CDHR1: variants seen among roughly 807,000 people sequenced by gnomAD.
The protein encoded by CDHR1 is cadherin related family member 1.
In CDHR1, 61 loss-of-function variants were observed where a neutral mutation model predicts 72.1. The observed-to-expected ratio is 0.85, with a 90% CI of 0.69 to 1.05. CDHR1 has a LOEUF of 1.05. Among genes scored for constraint, CDHR1 ranks in the 50% least tolerant of loss-of-function variants. The probability of loss-of-function intolerance (pLI) is 0.00; values close to 1 mark genes in which losing one functional copy is unlikely to be tolerated. For synonymous variants in CDHR1, 470 were observed against 448.1 expected (o/e 1.05, Z -0.62); for missense variants, 1,186 against 1,115.7 (o/e 1.06, Z -0.90).
In CDHR1 at chr10:84,195,615, G is replaced by C. The variant is rs369474184; in HGVS notation, c.151+26G>C. 22 of 1,587,020 alleles carry C rather than the reference G, an allele frequency of 1.4e-5. No individual in the cohort carries two copies. In the Middle Eastern group the frequency reaches 1.2e-3, roughly 83 times the overall value. The stretch of plus-strand genomic sequence containing the variant: ...GTGAGTAGCCCTGGCACCTGCTCCC[G>C]ATAGGTCTCCCTGAGGGGTGCAGGC... On this transcript the variant is annotated intron_variant, in intron 2 of 16. Coordinates refer to ENST00000623527, the MANE Select transcript of CDHR1 (RefSeq NM_033100.4).
chr10:84,203,127 G>A lies in CDHR1; in HGVS notation c.783+4G>A. 6.2e-7 allele frequency: 1 copy of A among 1,614,146 alleles called. No individual in the cohort carries two copies. On this transcript the variant is annotated splice_donor_region_variant and intron_variant, in intron 8 of 16. Coordinates refer to ENST00000623527, the MANE Select transcript of CDHR1 (RefSeq NM_033100.4). Reference sequence around the variant, plus strand: ...TGTGTACGAGGACACCCTTCCGGTGGGTGGCTGTCCCCCTCAGCCAGCGAT... The same window carrying A: ...TGTGTACGAGGACACCCTTCCGGTGAGTGGCTGTCCCCCTCAGCCAGCGAT...
Position 84,208,254 on chromosome 10 carries a change from C to T in CDHR1, c.1044C>T (p.Asn348=), listed in dbSNP as rs549722556. Reference sequence around the variant, plus strand: ...CCATCAGGATTGTGGACCTCAACAACCACCCGCCAACATTCTATGGAGAGA... The same window carrying T: ...CCATCAGGATTGTGGACCTCAACAATCACCCGCCAACATTCTATGGAGAGA... ...PVTIRIVDLN[N]HPPTFYGESG... Residue 348 remains asparagine, a synonymous_variant, in exon 11 of 17, where the codon AAC becomes AAT. Coordinates refer to ENST00000623527, the MANE Select transcript of CDHR1 (RefSeq NM_033100.4). 2.5e-6 allele frequency: 4 copies of T among 1,614,152 alleles called. No individual in the cohort carries two copies. Among genetic ancestry groups the T allele is most frequent in the South Asian group, 1.1e-5 (1 of 91,074 alleles).
rs1161968809 is a variant in CDHR1 at position 84,217,567 on chromosome 10, G to GA, written c.*2950dup. On this transcript the variant is annotated 3_prime_UTR_variant, in exon 17 of 17. Coordinates refer to ENST00000623527, the MANE Select transcript of CDHR1 (RefSeq NM_033100.4). ...TGCAAAGTATGGTTGCAGAGAGGAT[G>GA]AAAAGATCTAATATATGTAAAGTGC... 3 of 984,412 alleles carry GA rather than the reference G, an allele frequency of 3.0e-6. No homozygotes were observed. Among genetic ancestry groups the GA allele is most frequent in the Non-Finnish European group, 3.6e-6 (3 of 829,134 alleles). The allele number at this position is 984,412 out of a possible 1,614,324, so 61.0% of individuals were successfully genotyped here.
chr10:84,214,363 C>G lies in CDHR1; in HGVS notation c.2322C>G (p.Pro774=). The G allele has an allele frequency of 6.2e-7, 1 of 1,614,200 alleles. No individual in the cohort carries two copies. Among genetic ancestry groups the G allele is most frequent in the Non-Finnish European group, 8.5e-7 (1 of 1,180,048 alleles). ...AGTTCATGCTCAAAGAGAAACCTCC[C>G]AATGAGAACTGTAACAACAACAGCC... ...ATKFMLKEKP[P]NENCNNNSPE... is the part of the protein sequence containing the mutation. Residue 774 remains proline (P), a synonymous_variant, in exon 17 of 17, where the codon CCC becomes CCG. Transcript: ENST00000623527.
rs966105786 is a variant in CDHR1, at chr10:84,209,654, A to G, written c.1320+773A>G. 4.7e-5 allele frequency among the ~76,000 whole-genome samples: 7 copies of G among 150,210 alleles called. No individual in the cohort carries two copies. The South Asian group carries it at 6.3e-4, about 14-fold the overall frequency. On this transcript the variant is annotated intron_variant, in intron 12 of 16. Transcript: ENST00000623527. The stretch of plus-strand genomic sequence containing the variant: ...AGAGAAAAGACAAAAAAAAAAAAAA[A>G]GAAACTCTTAGAAACTCAGCAAAAT...
rs753258199 is a variant in CDHR1 at position 84,208,320 on chromosome 10, C to T, written c.1110C>T (p.His370=). Residue 370 remains histidine, a synonymous_variant, in exon 11 of 17, where the codon CAC becomes CAT. Coordinates refer to ENST00000623527, the MANE Select transcript of CDHR1 (RefSeq NM_033100.4). ...QNRFELSMNE[H]PPQGEILRGL... is the part of the protein sequence containing the mutation. ...GGTTTGAGCTGTCCATGAATGAGCA[C>T]CCACCCCAGGGAGAGATCCTGCGGG... 3.7e-6 allele frequency: 6 copies of T among 1,614,134 alleles called. No individual in the cohort carries two copies. The highest frequency in any genetic ancestry group is 5.1e-6 in the Non-Finnish European group (6 of 1,180,044).
chr10:84,205,234 C>T (rs1287396488), intron 9 of CDHR1, among the ~76,000 whole-genome samples: 3 of 152,120 alleles, frequency 2.0e-5, no homozygotes, highest in Admixed American at 2.0e-4. Context: ...CTATATGCCC[C>T]GGCCTTTCTC....
At position 84,216,532 on chromosome 10, in the gene CDHR1, G is replaced by A. The variant is rs1213919532; in HGVS notation, c.*1911G>A. On this transcript the variant is annotated 3_prime_UTR_variant, in exon 17 of 17. Coordinates refer to ENST00000623527, the MANE Select transcript of CDHR1 (RefSeq NM_033100.4). ...AAGTCTGTTACCCAAAGGCCATGCT[G>A]ATCCCCTGCTCCCTGCTTTCATTTA... 1 of 985,532 alleles carries A rather than the reference G, an allele frequency of 1.0e-6. No homozygotes were observed. The highest frequency in any genetic ancestry group is 1.2e-6 in the Non-Finnish European group (1 of 829,970). 61.0% of individuals were successfully genotyped at this position (985,532 alleles called of 1,614,324 possible).
At position 84,212,292 on chromosome 10, in the gene CDHR1, A is replaced by C. The variant is rs1254345243; in HGVS notation, c.1667A>C (p.Lys556Thr). The change falls in exon 15 of 17, where the codon AAG becomes ACG. Residue 556 changes from lysine to threonine, a missense_variant. Lys to Thr is a moderately conservative substitution (Grantham distance 78). Coordinates refer to ENST00000623527, the MANE Select transcript of CDHR1 (RefSeq NM_033100.4). ...GTGAAGGCAGAGGACATGGAAGGCA[A>C]GTACAGCGTAGCTGAGGTGTTTATC... ...FYVKAEDMEG[K>T]YSVAEVFITL... 1 of 1,614,246 alleles carries C rather than the reference A, an allele frequency of 6.2e-7. No homozygotes were observed. The highest frequency in any genetic ancestry group is 8.5e-7 in the Non-Finnish European group (1 of 1,180,042).
chr10:84,207,819 T>C (rs1010014875), intron 10 of CDHR1, among the ~76,000 whole-genome samples: 7 of 152,136 alleles, frequency 4.6e-5, no homozygotes, highest in African/African-American at 1.7e-4. Flanking sequence ...AGGGTTGGTT[T>C]CCATGCCCAC....
At chr10:84,203,723 G>A (rs925965010) in intron 8 of CDHR1, among the ~76,000 whole-genome samples, 1 of 152,182 alleles carries the variant, frequency 6.6e-6, no homozygotes, top group African/African-American at 2.4e-5. Context: ...GCCTATTATT[G>A]ACTTTACAAA....
chr10:84,216,847 C>T lies in CDHR1; in HGVS notation c.*2226C>T, dbSNP rs74584525. ...ACTCTCCCACCCTACCAGTGCAGCC[C>T]GGCAAGGGCAGGAATTGGGAGGCCT... On this transcript the variant is annotated 3_prime_UTR_variant, in exon 17 of 17. Coordinates refer to ENST00000623527, the MANE Select transcript of CDHR1 (RefSeq NM_033100.4). 187 of 985,490 alleles carry T rather than the reference C, an allele frequency of 1.9e-4. 1 individual carries two copies. The East Asian group carries it at 0.017, about 88-fold the overall frequency. 61.0% of individuals were successfully genotyped at this position (985,490 alleles called of 1,614,324 possible). A position where few individuals can be genotyped will look rare whatever the true frequency, so the allele number is the denominator to read the frequency against.
intron 1 of CDHR1, 121 bp from the exon 2 acceptor site, chr10:84,195,373 G>T: frequency 4.4e-6 from 4 of 917,506 alleles, no homozygotes; most frequent in Non-Finnish European, 5.2e-6. Flanking sequence ...GGGTTGGGGA[G>T]GCGGAGCGCC....
Position 84,218,082 on chromosome 10 carries a change from C to A in CDHR1, c.*3461C>A, listed in dbSNP as rs1279395608. 20 of 985,364 alleles carry A rather than the reference C, an allele frequency of 2.0e-5. No homozygotes were observed. Among genetic ancestry groups the A allele is most frequent in the Non-Finnish European group, 2.4e-5 (20 of 829,954 alleles). The allele number at this position is 985,364 out of a possible 1,614,324, so 61.0% of individuals were successfully genotyped here. ...TGCCAGGGGTGTTGGCATCTGTTGA[C>A]AGGCAGTGGCACATCCTGACAGTCT... On this transcript the variant is annotated 3_prime_UTR_variant, in exon 17 of 17. Coordinates refer to ENST00000623527, the MANE Select transcript of CDHR1 (RefSeq NM_033100.4).
Position 84,194,606 on chromosome 10 carries a change from C to T in CDHR1, c.-155C>T. The stretch of plus-strand genomic sequence containing the variant: ...GTGTCATCCTCTTAGCGCCCTCACG[C>T]CACCCGCCGCTCCCGCCCCGTGCCC... On this transcript the variant is annotated 5_prime_UTR_variant, in exon 1 of 17. Coordinates refer to ENST00000623527, the MANE Select transcript of CDHR1 (RefSeq NM_033100.4). 1.9e-6 allele frequency: 1 copy of T among 524,700 alleles called. No individual in the cohort carries two copies. The highest frequency in any genetic ancestry group is 3.2e-6 in the Non-Finnish European group (1 of 316,108). The allele number at this position is 524,700 out of a possible 1,614,324, so 32.5% of individuals were successfully genotyped here.
At chr10:84,218,773 C>CAT (rs1325797719), downstream of CDHR1, 53 of 1,002,610 alleles carry the variant, frequency 5.3e-5, no homozygotes, top group Non-Finnish European at 6.0e-5. Context: ...CATGTTATTA[C>CAT]ATATATATAT....
In CDHR1 at chr10:84,215,650, G is replaced by A; in HGVS notation, c.*1029G>A. 2 of 980,032 alleles carry A rather than the reference G, an allele frequency of 2.0e-6. No homozygotes were observed. Among genetic ancestry groups the A allele is most frequent in the Non-Finnish European group, 1.2e-6 (1 of 825,030 alleles). 60.7% of individuals were successfully genotyped at this position (980,032 alleles called of 1,614,324 possible). On this transcript the variant is annotated 3_prime_UTR_variant, in exon 17 of 17. Transcript: ENST00000623527. The stretch of plus-strand genomic sequence containing the variant: ...GGTGAGGATTGAAGAAAATAGTGGT[G>A]ATGAGGGCTTTAACCAAGTGCAAAG...
chr10:84,215,160 A>AAGCAAATGTAG lies in CDHR1; in HGVS notation c.*539_*540insAGCAAATGTAG. 9.9e-7 allele frequency: 1 copy of AAGCAAATGTAG among 1,013,200 alleles called. No individual in the cohort carries two copies. Among genetic ancestry groups the AAGCAAATGTAG allele is most frequent in the Non-Finnish European group, 1.2e-6 (1 of 846,396 alleles). The allele number at this position is 1,013,200 out of a possible 1,614,324, so 62.8% of individuals were successfully genotyped here. On this transcript the variant is annotated 3_prime_UTR_variant, in exon 17 of 17. Coordinates refer to ENST00000623527, the MANE Select transcript of CDHR1 (RefSeq NM_033100.4). ...GGAAAGCAAATGTAGGTAAGGGGAG[A>AAGCAAATGTAG]GCAAGGATGCACAGAAAACACACTG...
chr10:84,196,540 G>A lies in CDHR1; in HGVS notation c.187G>A (p.Glu63Lys), dbSNP rs1842032739. 1 of 1,614,224 alleles carries A rather than the reference G, an allele frequency of 6.2e-7. No homozygotes were observed. Among genetic ancestry groups the A allele is most frequent in the East Asian group, 2.2e-5 (1 of 44,890 alleles). The change falls in exon 3 of 17, where the codon GAG becomes AAG. Residue 63 changes from glutamate (E) to lysine (K), a missense_variant. Glu to Lys is a moderately conservative substitution (Grantham distance 56). Coordinates refer to ENST00000623527, the MANE Select transcript of CDHR1 (RefSeq NM_033100.4). ...HVYTLNGTDP[E>K]GDPISYHISF... ...ATACACCCTGAATGGGACAGACCCT[G>A]AGGGAGACCCCATCTCCTACCACAT...
Sources: gnomAD v4.1 joint callset for allele counts (sites outside exome capture counted in the v4.1 genomes callset) on GRCh38, gnomAD v4.1.1 for gene constraint, MANE v1.5 for transcripts, NCBI Gene and HGNC (gene_info 2026-07-23, HGNC 2026-07-21) for gene names.